Variants in GATB observed in about 807,000 individuals in gnomAD.
GATB encodes the protein glutamyl-tRNA(Gln) amidotransferase subunit B, mitochondrial.
Under a neutral mutation model 62.3 loss-of-function variants are expected in GATB, and 39 were observed. That is an observed-to-expected ratio of 0.63 (90% CI 0.48 to 0.82). The LOEUF is 0.82. GATB is among the 40% of genes least tolerant of loss of function. The pLI is 0.00. For missense variants in GATB, 670 were observed against 684.0 expected, an observed-to-expected ratio of 0.98 and a Z score of 0.23; for synonymous variants, 276 against 258.9, an observed-to-expected ratio of 1.07 and a Z score of -0.63.
chr4:151,688,087 A>C (rs532926754), intron 10 of GATB, among the ~76,000 whole-genome samples: 2 of 152,194 alleles, frequency 1.3e-5, no homozygotes, highest in East Asian at 1.9e-4. Flanking sequence ...CGGCCCCTGC[A>C]GCTTCTGGCG....
intron 9 of GATB, among the ~76,000 whole-genome samples, chr4:151,697,634 C>A (rs1312014387): frequency 6.7e-6 from 1 of 149,612 alleles, no homozygotes; most frequent in Non-Finnish European, 1.5e-5. Flanking sequence ...ATTTTATAAT[C>A]ATAAATATTT....
At chr4:151,721,614 G>A (rs1340165078) in intron 2 of GATB, 2 of 152,438 alleles carry the variant, frequency 1.3e-5, no homozygotes, top group East Asian at 3.9e-4. Flanking sequence ...CTCTTCCTGG[G>A]GTCAGAATGC....
At chr4:151,726,384 G>A (rs928734373) in intron 2 of GATB, among the ~76,000 whole-genome samples, 1 of 152,082 alleles carries the variant, frequency 6.6e-6, no homozygotes, top group Non-Finnish European at 1.5e-5. Flanking sequence ...AAAACCTCTT[G>A]TGCTATAATA....
intron 2 of GATB, among the ~76,000 whole-genome samples, chr4:151,747,604 G>C (rs563448680): frequency 6.6e-6 from 1 of 152,310 alleles, no homozygotes; most frequent in South Asian, 2.1e-4. Flanking sequence ...AAATCACACT[G>C]AGCAGAATAA....
At chr4:151,718,228 T>TA (rs1738954596) in intron 3 of GATB, among the ~76,000 whole-genome samples, 1 of 152,212 alleles carries the variant, frequency 6.6e-6, no homozygotes, top group Non-Finnish European at 1.5e-5. Context: ...TGCAAAAGGC[T>TA]AACCCGTTTT....
At chr4:151,671,865 A>G (rs986316754) in intron 12 of GATB, among the ~76,000 whole-genome samples, 2 of 152,148 alleles carry the variant, frequency 1.3e-5, no homozygotes, top group Admixed American at 1.3e-4. Context: ...TTCCTATCAG[A>G]TAGCCACTGA....
At chr4:151,740,094 T>C (rs560899077) in intron 2 of GATB, among the ~76,000 whole-genome samples, 2 of 152,352 alleles carry the variant, frequency 1.3e-5, no homozygotes, top group East Asian at 3.9e-4. Context: ...TTATCTGTAA[T>C]AAAGCTGGTA....
chr4:151,699,632 T>A (rs1738558433), intron 9 of GATB, among the ~76,000 whole-genome samples: 1 of 152,032 alleles, frequency 6.6e-6, no homozygotes, highest in Non-Finnish European at 1.5e-5. Flanking sequence ...ACTGTCCCCA[T>A]CACCGCTCAT....
chr4:151,692,276 T>C (rs1193953690), intron 9 of GATB, among the ~76,000 whole-genome samples: 2 of 152,186 alleles, frequency 1.3e-5, no homozygotes, highest in African/African-American at 2.4e-5. Flanking sequence ...TTAACCTCTG[T>C]GTGGCACTGC....
At chr4:151,760,126 A>G (rs1469305557) in intron 1 of GATB, among the ~76,000 whole-genome samples, 1 of 152,244 alleles carries the variant, frequency 6.6e-6, no homozygotes, top group Non-Finnish European at 1.5e-5. Flanking sequence ...AAATAATGCC[A>G]ACTAGTCTCA....
chr4:151,717,436 T>G (rs1225242642), intron 3 of GATB: 2 of 239,464 alleles, frequency 8.4e-6, no homozygotes, highest in East Asian at 2.5e-4. Flanking sequence ...CTCATTAGCC[T>G]AAACTCTGCA....
At chr4:151,674,171 C>T (rs1428321984) in intron 11 of GATB, 1 of 152,256 alleles carries the variant, frequency 6.6e-6, no homozygotes, top group Admixed American at 6.5e-5. Context: ...AAGCCTGGCC[C>T]TACTCTTAGA....
At chr4:151,691,320 T>A (rs141037747) in intron 9 of GATB, among the ~76,000 whole-genome samples, 1 of 152,284 alleles carries the variant, frequency 6.6e-6, no homozygotes, top group African/African-American at 2.4e-5. Context: ...GCGACTCTAA[T>A]TGTTCCTTCA....
intron 4 of GATB, among the ~76,000 whole-genome samples, chr4:151,716,491 A>G (rs1447386898): frequency 6.6e-6 from 1 of 151,980 alleles, no homozygotes; most frequent in Non-Finnish European, 1.5e-5. Flanking sequence ...GCCCAGCCTG[A>G]TCTCAAACTC....
Position 151,715,923 on chromosome 4 carries a change from T to A in GATB, c.763+86A>T, listed in dbSNP as rs1051378562. 37 of 1,472,376 alleles carry A rather than the reference T, an allele frequency of 2.5e-5. 1 individual carries two copies. In the South Asian group the frequency reaches 5.0e-4, roughly 20 times the overall value. 91.2% of individuals were successfully genotyped at this position (1,472,376 alleles called of 1,614,324 possible). On this transcript the variant is annotated intron_variant, in intron 5 of 12. Coordinates refer to ENST00000263985, the MANE Select transcript of GATB (RefSeq NM_004564.3). ...ATGGCTGCAAACAACCTCAATATAA[T>A]AGACAGAAAATAAAACTAAAGTCAG...
Position 151,708,017 on chromosome 4 carries a change from T to C in GATB, c.848A>G (p.Asn283Ser), listed in dbSNP as rs770979795. 9 of 1,613,794 alleles carry C rather than the reference T, an allele frequency of 5.6e-6. No individual in the cohort carries two copies. Among genetic ancestry groups the C allele is most frequent in the East Asian group, 2.2e-5 (1 of 44,892 alleles). The change falls in exon 6 of 13, where the codon AAC (asparagine) becomes AGC (serine). Residue 283 changes from asparagine to serine, a missense_variant. By Grantham distance (46) the Asn-to-Ser change is conservative. Coordinates refer to ENST00000263985, the MANE Select transcript of GATB (RefSeq NM_004564.3). Reference sequence around the variant, plus strand: ...GGCTTTGGCCAGGAACCTGATGCTGTTGAGATTCTTCACTTCCGTTCGAAC... The same window carrying C: ...GGCTTTGGCCAGGAACCTGATGCTGCTGAGATTCTTCACTTCCGTTCGAAC... The part of the protein sequence containing the change: ...LGVRTEVKNL[N>S]SIRFLAKAID...
chr4:151,737,104 G>T (rs1412483307), intron 2 of GATB, among the ~76,000 whole-genome samples: 1 of 152,218 alleles, frequency 6.6e-6, no homozygotes, highest in Admixed American at 6.5e-5. Context: ...ACCAGGCAGA[G>T]GCTGGAACAG....
intron 9 of GATB, among the ~76,000 whole-genome samples, chr4:151,700,866 T>C (rs931369165): frequency 6.6e-6 from 1 of 152,190 alleles, no homozygotes; most frequent in Non-Finnish European, 1.5e-5. Context: ...TAGTGTTTCA[T>C]GTGGAATAAA....
intron 9 of GATB, among the ~76,000 whole-genome samples, chr4:151,694,915 T>C (rs1415417640): frequency 6.6e-6 from 1 of 152,258 alleles, no homozygotes; most frequent in African/African-American, 2.4e-5. Context: ...TCTGTTTCTT[T>C]GTCCCTTGGA....
Sources: allele counts gnomAD v4.1 joint callset (sites outside exome capture counted in the v4.1 genomes callset), GRCh38; gene constraint gnomAD v4.1.1; transcripts MANE v1.5; gene names NCBI Gene and HGNC (gene_info 2026-07-23, HGNC 2026-07-21).